The following ZRANB3 variants were observed in gnomAD, a reference collection of about 807,000 sequenced individuals.
The protein encoded by ZRANB3 is DNA annealing helicase and endonuclease ZRANB3.
A neutral mutation model predicts 133.8 loss-of-function variants in ZRANB3; 125 were observed. That is an observed-to-expected ratio of 0.93 (90% CI 0.81 to 1.08). The LOEUF (loss-of-function observed/expected upper bound fraction) is 1.08. Ranked by LOEUF, ZRANB3 falls within the 50% of genes least tolerant of loss-of-function variation. The probability of loss-of-function intolerance (pLI) is 0.00; values close to 1 mark genes in which losing one functional copy is unlikely to be tolerated. For missense variants in ZRANB3, 1,229 were observed against 1,275.5 expected, an observed-to-expected ratio of 0.96 and a Z score of 0.56; for synonymous variants, 387 against 432.7, an observed-to-expected ratio of 0.89 and a Z score of 1.31.
At chr2:135,245,947 A>AAAAAAAAAAAAAAAAG (rs1553461041) in intron 12 of ZRANB3, among the ~76,000 whole-genome samples, 3 of 145,456 alleles carry the variant, frequency 2.1e-5, no homozygotes, top group African/African-American at 7.7e-5. Flanking sequence ...AAAAAAAAAA[A>AAAAAAAAAAAAAAAAG]AGAGACAGGG....
At chr2:135,279,107 A>G (rs1008804888) in intron 8 of ZRANB3, among the ~76,000 whole-genome samples, 1 of 152,170 alleles carries the variant, frequency 6.6e-6, no homozygotes, top group Non-Finnish European at 1.5e-5. Flanking sequence ...CTGAAAGAAA[A>G]GAAGGTTGTT....
chr2:135,217,333 G>A, intron 17 of ZRANB3, 132 bp downstream of exon 17: 1 of 857,724 alleles, frequency 1.2e-6, no homozygotes, highest in Non-Finnish European at 1.7e-6. Context: ...CAATATGGCT[G>A]TGATTTTATG....
intron 12 of ZRANB3, among the ~76,000 whole-genome samples, chr2:135,242,776 C>A (rs1291083951): frequency 6.6e-6 from 1 of 151,576 alleles, no homozygotes; most frequent in Non-Finnish European, 1.5e-5. Flanking sequence ...TCTTCATTAT[C>A]CTCCTTTCTT....
chr2:135,488,902 T>C (rs908243855), intron 2 of ZRANB3, among the ~76,000 whole-genome samples: 7 of 150,290 alleles, frequency 4.7e-5, no homozygotes, highest in African/African-American at 1.8e-4. Context: ...CTGATTATAC[T>C]ATATAGCATA....
chr2:135,301,852 T>C (rs1012285871), intron 8 of ZRANB3, among the ~76,000 whole-genome samples: 1 of 152,174 alleles, frequency 6.6e-6, no homozygotes, highest in Non-Finnish European at 1.5e-5. Flanking sequence ...TCTTCCCCAG[T>C]AGATTGCAAG....
chr2:135,200,409 T>C lies in ZRANB3; in HGVS notation c.3173A>G (p.Gln1058Arg). The C allele has an allele frequency of 6.2e-7, 1 of 1,607,392 alleles. No individual in the cohort carries two copies. The highest frequency in any genetic ancestry group is 8.5e-7 in the Non-Finnish European group (1 of 1,176,632). ...RTARQAKERS[Q>R]VRRQSLASKH... ...TGATGCTAGAGATTGTCTTCTCACC[T>C]GGCTTCTTTCCTTAGCTTGTCTGGC... Residue 1058 changes from glutamine (Q) to arginine (R), a missense_variant, in exon 21 of 21, where the codon CAG becomes CGG. By Grantham distance (43) the Gln-to-Arg change is conservative. Transcript: ENST00000264159.
intron 3 of ZRANB3, chr2:135,355,284 C>T (rs912241840): frequency 2.0e-6 from 2 of 985,204 alleles, no homozygotes; most frequent in Non-Finnish European, 2.4e-6. Flanking sequence ...AATTTTCACA[C>T]CCGAAGCCAC....
rs762128087 is a variant in ZRANB3 at position 135,208,883 on chromosome 2, C to T, written c.2591G>A (p.Arg864Gln). The T allele has an allele frequency of 1.2e-5, 20 of 1,613,892 alleles. No individual in the cohort carries two copies. Among genetic ancestry groups the T allele is most frequent in the Admixed American group, 6.7e-5 (4 of 60,018 alleles). ...VRLITKESRP[R>Q]DPFTKKLLED... ...AAAACCTTACTTTGTGAAAGGATCC[C>T]GTGGCCTGGACTCCTTTGTGATCAG... The change falls in exon 18 of 21, where the codon CGG becomes CAG. Residue 864 changes from arginine to glutamine, a missense_variant. Transcript: ENST00000264159.
intron 7 of ZRANB3, among the ~76,000 whole-genome samples, 162 bp downstream of exon 7, chr2:135,315,197 G>A (rs981031617): frequency 3.9e-5 from 6 of 151,954 alleles, no homozygotes; most frequent in Admixed American, 3.9e-4. Flanking sequence ...AATTCTTCCT[G>A]CTTTCTTGCT....
At chr2:135,521,023 TAGA>T (rs1259688010) in intron 1 of ZRANB3, among the ~76,000 whole-genome samples, 2 of 152,208 alleles carry the variant, frequency 1.3e-5, no homozygotes, top group Non-Finnish European at 1.5e-5. Context: ...TAGGAAATTT[TAGA>T]AGAAGTCTTG....
At chr2:135,417,116 T>G (rs1047008666) in intron 2 of ZRANB3, among the ~76,000 whole-genome samples, 1 of 152,158 alleles carries the variant, frequency 6.6e-6, no homozygotes. Flanking sequence ...AAATGGGATC[T>G]AATTAAACTA....
At chr2:135,224,853 TC>T (rs1694697261) in intron 14 of ZRANB3, among the ~76,000 whole-genome samples, 2 of 152,178 alleles carry the variant, frequency 1.3e-5, no homozygotes, top group African/African-American at 4.8e-5. Context: ...TTTAGACTAA[TC>T]TATTCCTTTT....
intron 2 of ZRANB3, among the ~76,000 whole-genome samples, chr2:135,401,714 T>C (rs986769499): frequency 6.6e-6 from 1 of 152,218 alleles, no homozygotes; most frequent in African/African-American, 2.4e-5. Context: ...TAATAGCTGC[T>C]TTGTGATCTA....
intron 2 of ZRANB3, among the ~76,000 whole-genome samples, chr2:135,392,808 G>C (rs778430600): frequency 4.0e-5 from 6 of 151,860 alleles, no homozygotes; most frequent in Non-Finnish European, 5.9e-5. Context: ...AATTACCAAT[G>C]AATGCATTAC....
At chr2:135,288,483 G>A (rs939032592) in intron 8 of ZRANB3, among the ~76,000 whole-genome samples, 7 of 151,506 alleles carry the variant, frequency 4.6e-5, no homozygotes, top group African/African-American at 9.8e-5. Flanking sequence ...TTTATCTTTC[G>A]GAACAGTTTC....
intron 1 of ZRANB3, among the ~76,000 whole-genome samples, chr2:135,506,639 CAT>C (rs1242629805): frequency 1.3e-5 from 2 of 152,154 alleles, no homozygotes; most frequent in African/African-American, 4.8e-5. Flanking sequence ...TCAACAGTAA[CAT>C]GTGTCTGGTA....
At chr2:135,496,021 AC>A (rs1422788608) in intron 2 of ZRANB3, among the ~76,000 whole-genome samples, 2 of 152,210 alleles carry the variant, frequency 1.3e-5, no homozygotes, top group Non-Finnish European at 2.9e-5. Context: ...GATCTTGGAA[AC>A]TGCAAGCCAA....
chr2:135,307,864 C>G (rs1682779989), intron 8 of ZRANB3, among the ~76,000 whole-genome samples: 1 of 152,140 alleles, frequency 6.6e-6, no homozygotes, highest in African/African-American at 2.4e-5. Context: ...ACCTCAAATT[C>G]CCCCAGCAAT....
intron 12 of ZRANB3, among the ~76,000 whole-genome samples, chr2:135,233,040 C>G (rs977168598): frequency 2.0e-5 from 3 of 152,012 alleles, no homozygotes; most frequent in African/African-American, 7.2e-5. Context: ...AGTTAAAAAC[C>G]TTGAAAAAAA....
Sources: allele counts gnomAD v4.1 joint callset (sites outside exome capture counted in the v4.1 genomes callset), GRCh38; gene constraint gnomAD v4.1.1; transcripts MANE v1.5; gene names NCBI Gene and HGNC (gene_info 2026-07-23, HGNC 2026-07-21).